ABLIM1: variants seen among roughly 807,000 people sequenced by gnomAD.
ABLIM1 encodes the protein actin-binding LIM protein 1.
ABLIM1 carries 40 observed loss-of-function variants against 107.0 expected under a neutral mutation model. The observed-to-expected ratio is 0.37, with a 90% CI of 0.29 to 0.49. ABLIM1 has a LOEUF of 0.49. ABLIM1 is among the 20% of genes least tolerant of loss of function. The pLI, the probability that ABLIM1 is intolerant of heterozygous loss-of-function variation, is 0.97. For synonymous variants in ABLIM1, 357 were observed against 357.3 expected (o/e 1.00, Z 0.01); for missense variants, 857 against 1,008.5 (o/e 0.85, Z 2.04).
At chr10:114,777,453 G>A in the ABLIM1 span, among the ~76,000 whole-genome samples, 2 of 151,730 alleles carry the variant, frequency 1.3e-5, no homozygotes, top group Non-Finnish European at 2.9e-5. Flanking sequence ...CTTGGTTATT[G>A]GCCATATTTT....
intron 1 of ABLIM1, among the ~76,000 whole-genome samples, chr10:114,649,646 C>T (rs188843254): frequency 6.6e-6 from 1 of 152,130 alleles, no homozygotes; most frequent in Non-Finnish European, 1.5e-5. Flanking sequence ...CTCTACACGC[C>T]CTAACAAACA....
intron 1 of ABLIM1, among the ~76,000 whole-genome samples, chr10:114,732,198 T>C (rs1204571573): frequency 2.8e-5 from 4 of 141,252 alleles, no homozygotes; most frequent in African/African-American, 1.1e-4. Flanking sequence ...TTTTTTTTTT[T>C]TTTGAGACAG....
At chr10:114,738,113 A>T (rs555681842) in intron 1 of ABLIM1, among the ~76,000 whole-genome samples, 1 of 152,172 alleles carries the variant, frequency 6.6e-6, no homozygotes, top group Non-Finnish European at 1.5e-5. Flanking sequence ...CAGTGGCGCG[A>T]TCTTGGCTCA....
At chr10:114,781,113 T>C in the ABLIM1 span, among the ~76,000 whole-genome samples, 1 of 152,202 alleles carries the variant, frequency 6.6e-6, no homozygotes, top group Non-Finnish European at 1.5e-5. Flanking sequence ...TTTTAAAATT[T>C]GATGCCAGTA....
At chr10:114,486,064 T>G (rs1247490787) in intron 8 of ABLIM1, among the ~76,000 whole-genome samples, 1 of 152,206 alleles carries the variant, frequency 6.6e-6, no homozygotes, top group Non-Finnish European at 1.5e-5. Flanking sequence ...AGAAGAGCTT[T>G]AGAATTCTCT....
chr10:114,634,123 A>ATTTTTTTTTTTTTT (rs1209219359), intron 1 of ABLIM1, among the ~76,000 whole-genome samples: 9 of 68,192 alleles, frequency 1.3e-4, no homozygotes, highest in East Asian at 4.0e-4. Flanking sequence ...CATTAGCTCA[A>ATTTTTTTTTTTTTT]TTTTTCTTTT....
intron 8 of ABLIM1, among the ~76,000 whole-genome samples, chr10:114,475,556 G>A (rs1272708744): frequency 1.3e-5 from 2 of 152,288 alleles, no homozygotes; most frequent in East Asian, 3.9e-4. Flanking sequence ...TCCTAGTTGA[G>A]GGAATGAGCT....
At chr10:114,474,535 C>G (rs1038774005) in intron 8 of ABLIM1, among the ~76,000 whole-genome samples, 3 of 152,152 alleles carry the variant, frequency 2.0e-5, no homozygotes, top group African/African-American at 7.2e-5. Context: ...CACCTGCCAC[C>G]ATGCCCGGCT....
rs192700021 is a variant in ABLIM1 at position 114,533,122 on chromosome 10, T to C, written c.894+11883A>G. Among the ~76,000 whole-genome samples, 3 of 152,226 alleles carry C rather than the reference T, an allele frequency of 2.0e-5. No homozygotes were observed. In the East Asian group the frequency reaches 5.8e-4, roughly 29 times the overall value. On this transcript the variant is annotated intron_variant, in intron 6 of 22. Coordinates refer to ENST00000533213, the MANE Select transcript of ABLIM1 (RefSeq NM_002313.7). ...TGGGTGGCTGAGGTGGGTGGATCAT[T>C]TGAGGTCAGGAGTTCAAGACCAGCC...
chr10:114,476,790 C>T lies in ABLIM1; in HGVS notation c.1042-2834G>A, dbSNP rs561988895. Among the ~76,000 whole-genome samples the T allele has an allele frequency of 2.9e-3, 444 of 152,234 alleles. 2 individuals carry two copies. The highest frequency in any genetic ancestry group is 4.8e-3 in the Non-Finnish European group (328 of 68,010). On this transcript the variant is annotated intron_variant, in intron 8 of 22. Coordinates refer to ENST00000533213, the MANE Select transcript of ABLIM1 (RefSeq NM_002313.7). ...CCCCCTGAAAAAGCTGAACCTGTAT[C>T]CATCTCTGTGAGATAATTATTAACC...
chr10:114,801,273 G>T, the ABLIM1 span, among the ~76,000 whole-genome samples: 24 of 151,970 alleles, frequency 1.6e-4, no homozygotes, highest in South Asian at 4.8e-3. Flanking sequence ...TTAAAACCAA[G>T]ATCATCATAA....
At chr10:114,544,639 A>G (rs1343739283) in intron 6 of ABLIM1, among the ~76,000 whole-genome samples, 2 of 152,322 alleles carry the variant, frequency 1.3e-5, no homozygotes, top group African/African-American at 2.4e-5. Context: ...CCACAGATGC[A>G]TGCATAGACA....
chr10:114,463,322 T>G (rs1040278597), intron 12 of ABLIM1, among the ~76,000 whole-genome samples: 1 of 152,046 alleles, frequency 6.6e-6, no homozygotes, highest in South Asian at 2.1e-4. Context: ...GGGTTAAGAG[T>G]GCACCTGCTA....
At chr10:114,559,140 G>T (rs1409606722) in intron 4 of ABLIM1, among the ~76,000 whole-genome samples, 1 of 152,066 alleles carries the variant, frequency 6.6e-6, no homozygotes, top group African/African-American at 2.4e-5. Flanking sequence ...CATTTCTGAG[G>T]ATGTCAATAT....
chr10:114,531,118 T>C lies in ABLIM1; in HGVS notation c.894+13887A>G, dbSNP rs1328355159. ...AAGCATCAACATGACTGTTAACTTGTGTATCTGAAATAATCCCATATAACT... is the reference window on the plus strand; with the variant it reads ...AAGCATCAACATGACTGTTAACTTGCGTATCTGAAATAATCCCATATAACT... On this transcript the variant is annotated intron_variant, in intron 6 of 22. Coordinates refer to ENST00000533213, the MANE Select transcript of ABLIM1 (RefSeq NM_002313.7). Among the ~76,000 whole-genome samples, 20 of 152,340 alleles carry C rather than the reference T, an allele frequency of 1.3e-4. 1 individual carries two copies.
In ABLIM1 at chr10:114,716,444, C is replaced by CAT. The variant is rs1555227434; in HGVS notation, c.-213+51616_-213+51617insAT. On this transcript the variant is annotated intron_variant, in intron 1 of 15. Transcript: ENST00000651092. ...ACACACACACACACACACACACACACCCCTCCCCACAGCCTCAAAGAGAAA... is the reference window on the plus strand; with the variant it reads ...ACACACACACACACACACACACACACATCCCTCCCCACAGCCTCAAAGAGAAA... Among the ~76,000 whole-genome samples the CAT allele has an allele frequency of 2.7e-5, 4 of 148,374 alleles. No homozygotes were observed. In the Admixed American group the frequency reaches 2.7e-4, roughly 10 times the overall value.
intron 2 of ABLIM1, among the ~76,000 whole-genome samples, chr10:114,578,066 A>G (rs371925118): frequency 7.2e-5 from 11 of 152,150 alleles, no homozygotes; most frequent in African/African-American, 2.4e-4. Flanking sequence ...GGTCACTCCT[A>G]TGGGTGCCAT....
intron 1 of ABLIM1, among the ~76,000 whole-genome samples, chr10:114,710,593 A>G (rs1407727095): frequency 1.3e-5 from 2 of 152,164 alleles, no homozygotes; most frequent in African/African-American, 4.8e-5. Context: ...GTGGGAACGC[A>G]GCCAAACCAT....
At chr10:114,560,388 T>C (rs1031973495) in intron 4 of ABLIM1, among the ~76,000 whole-genome samples, 3 of 152,234 alleles carry the variant, frequency 2.0e-5, no homozygotes, top group Non-Finnish European at 4.4e-5. Flanking sequence ...ATGACGGTAG[T>C]CCCATAAGAT....
Sources: allele counts gnomAD v4.1 joint callset (sites outside exome capture counted in the v4.1 genomes callset), GRCh38; gene constraint gnomAD v4.1.1; transcripts MANE v1.5; gene names NCBI Gene and HGNC (gene_info 2026-07-23, HGNC 2026-07-21).